DNAH11: variants seen among roughly 807,000 people sequenced by gnomAD.
DNAH11 encodes axonemal beta dynein heavy chain 11.
In DNAH11, 442 loss-of-function variants were observed where a neutral mutation model predicts 526.0. The observed-to-expected ratio is 0.84, with a 90% CI of 0.78 to 0.91. The LOEUF (loss-of-function observed/expected upper bound fraction) is 0.91. Among genes scored for constraint, DNAH11 ranks in the 40% least tolerant of loss-of-function variants. The pLI is 0.00. For synonymous variants in DNAH11, 2,461 were observed against 1,935.9 expected (o/e 1.27, Z -7.12); for missense variants, 6,989 against 5,448.7 (o/e 1.28, Z -8.90).
chr7:21,871,955 T>C (rs1783510153), intron 73 of DNAH11, among the ~76,000 whole-genome samples: 1 of 151,452 alleles, frequency 6.6e-6, no homozygotes, highest in Admixed American at 6.6e-5. Context: ...ACCCCGTCTC[T>C]ACTAAAAATA....
chr7:21,738,496 T>C (rs1374056940), intron 46 of DNAH11, among the ~76,000 whole-genome samples: 2 of 152,112 alleles, frequency 1.3e-5, no homozygotes, highest in Non-Finnish European at 2.9e-5. Context: ...GAATGACTTC[T>C]GGCAACAGGA....
intron 29 of DNAH11, among the ~76,000 whole-genome samples, chr7:21,656,733 A>G (rs927428227): frequency 1.3e-5 from 2 of 152,132 alleles, no homozygotes; most frequent in Admixed American, 6.6e-5. Context: ...TCCTGAAAGT[A>G]TTTGCAGAAA....
At chr7:21,780,025 C>G (rs975467686) in intron 57 of DNAH11, among the ~76,000 whole-genome samples, 1 of 149,740 alleles carries the variant, frequency 6.7e-6, no homozygotes, top group Non-Finnish European at 1.5e-5. Context: ...AGTTGATTTT[C>G]TTTTTTTTTT....
chr7:21,770,475 A>AT (rs1320338177), intron 55 of DNAH11, among the ~76,000 whole-genome samples: 38 of 152,120 alleles, frequency 2.5e-4, no homozygotes, highest in African/African-American at 8.7e-4. Context: ...CAGATTTTCA[A>AT]TTTTCAGATT....
rs542279983 is a variant in DNAH11 at position 21,742,019 on chromosome 7, A to G, written c.8007A>G (p.Gln2669=). 8.7e-6 allele frequency: 14 copies of G among 1,613,966 alleles called. No homozygotes were observed. The African/African-American group carries it at 1.7e-4, about 20-fold the overall frequency. Residue 2669 remains glutamine (Q), a synonymous_variant, in exon 49 of 82, where the codon CAA becomes CAG. Transcript: ENST00000409508. ...TCTTTAGCTTCCATTTCCAACAGCAAGCATTTGCTCCATCAATTCTCAGGA... is the reference window on the plus strand; with the variant it reads ...TCTTTAGCTTCCATTTCCAACAGCAGGCATTTGCTCCATCAATTCTCAGGA... ...GQIFSFHFQQ[Q]AFAPSILRSG...
chr7:21,676,033 C>A (rs945604654), intron 30 of DNAH11, among the ~76,000 whole-genome samples: 1 of 152,096 alleles, frequency 6.6e-6, no homozygotes, highest in African/African-American at 2.4e-5. Flanking sequence ...GGCCTTAAAA[C>A]AGCTGTGATA....
rs17145222 is a variant in DNAH11 at position 21,748,538 on chromosome 7, C to T, written c.8511-42C>T. On this transcript the variant is annotated intron_variant, in intron 51 of 81. Coordinates refer to ENST00000409508, the MANE Select transcript of DNAH11 (RefSeq NM_001277115.2). ...AAACAGAACAGACATAGTCCCGGGG[C>T]ATTTTCGATTTTGTGCCATAATGGG... 2.5e-3 allele frequency: 3,512 copies of T among 1,429,144 alleles called. 73 individuals are homozygous for T. In the African/African-American group the frequency reaches 0.044, roughly 18 times the overall value. The allele number at this position is 1,429,144 out of a possible 1,614,324, so 88.5% of individuals were successfully genotyped here.
chr7:21,798,883 T>C (rs963534874), intron 61 of DNAH11, among the ~76,000 whole-genome samples: 2 of 152,120 alleles, frequency 1.3e-5, no homozygotes, highest in African/African-American at 4.8e-5. Context: ...TTTAATAAAA[T>C]TATGCTAATA....
At chr7:21,857,030 G>C (rs2158130) in intron 68 of DNAH11, among the ~76,000 whole-genome samples, 108,204 of 152,048 alleles carry the variant, frequency 0.71, 38,892 homozygotes, top group African/African-American at 0.76. Flanking sequence ...AAGAAAAACT[G>C]TGTTTTTTCA....
chr7:21,813,060 C>G (rs1789605302), intron 63 of DNAH11, among the ~76,000 whole-genome samples: 1 of 152,122 alleles, frequency 6.6e-6, no homozygotes, highest in South Asian at 2.1e-4. Flanking sequence ...AGGGATGGGA[C>G]AGGGAGCAAA....
chr7:21,605,343 C>A (rs1011791280), intron 18 of DNAH11, among the ~76,000 whole-genome samples: 1 of 152,066 alleles, frequency 6.6e-6, no homozygotes, highest in East Asian at 1.9e-4. Flanking sequence ...AGGAGATGAC[C>A]GAGAGGAACA....
chr7:21,886,245 T>C (rs1164664354), intron 76 of DNAH11, among the ~76,000 whole-genome samples: 1 of 152,204 alleles, frequency 6.6e-6, no homozygotes, highest in African/African-American at 2.4e-5. Flanking sequence ...ATCAGTCTAA[T>C]ATTTAGTGTA....
rs1782649647 is a variant in DNAH11 at position 21,543,171 on chromosome 7, C to A, written c.-75C>A. ...GGAGGGTGGGCGCCTGCGGAGGTGT[C>A]CTCGCTCACTTCGGGGGGCCCAGAG... On this transcript the variant is annotated 5_prime_UTR_variant, in exon 1 of 82. Coordinates refer to ENST00000409508, the MANE Select transcript of DNAH11 (RefSeq NM_001277115.2). 1 of 1,445,786 alleles carries A rather than the reference C, an allele frequency of 6.9e-7. No homozygotes were observed. The highest frequency in any genetic ancestry group is 1.5e-5 in the South Asian group (1 of 68,630). The allele number at this position is 1,445,786 out of a possible 1,614,324, so 89.6% of individuals were successfully genotyped here.
At chr7:21,795,252 G>A (rs959876916) in intron 61 of DNAH11, among the ~76,000 whole-genome samples, 1 of 152,140 alleles carries the variant, frequency 6.6e-6, no homozygotes, top group South Asian at 2.1e-4. Flanking sequence ...GCTAGGTTTG[G>A]TGTGCGGATC....
intron 22 of DNAH11, among the ~76,000 whole-genome samples, chr7:21,617,210 G>T (rs186444349): frequency 4.6e-5 from 7 of 152,328 alleles, no homozygotes; most frequent in Non-Finnish European, 8.8e-5. Flanking sequence ...GGCACTCAAA[G>T]GTAATCAACA....
rs370773629 is a variant in DNAH11, at chr7:21,784,615, TGAGA to T, written c.9597+79_9597+82del. ...GTTATTAGAGTTTGAATAACTGAGC[TGAGA>T]GAGTAGCCCATTACAGCCAAAAAGT... is the stretch of plus-strand genomic sequence containing the variant. On this transcript the variant is annotated intron_variant, in intron 58 of 81. Transcript: ENST00000409508. The T allele has an allele frequency of 6.7e-5, 72 of 1,077,648 alleles. 1 individual carries two copies. In the African/African-American group the frequency reaches 9.1e-4, roughly 14 times the overall value. 66.8% of individuals were successfully genotyped at this position (1,077,648 alleles called of 1,614,324 possible).
In DNAH11 at chr7:21,717,779, G is replaced by T. The variant is rs766617896; in HGVS notation, c.6988G>T (p.Val2330Leu). 9.9e-6 allele frequency: 16 copies of T among 1,613,722 alleles called. No individual in the cohort carries two copies. Among genetic ancestry groups the T allele is most frequent in the Non-Finnish European group, 1.4e-5 (16 of 1,179,782 alleles). Residue 2330 changes from valine (V) to leucine (L), a missense_variant, in exon 43 of 82, where the codon GTG (valine) becomes TTG (leucine). Val to Leu is a conservative substitution (Grantham distance 32). Coordinates refer to ENST00000409508, the MANE Select transcript of DNAH11 (RefSeq NM_001277115.2). ...NPQDLGWNPY[V>L]ASWIDRRRHQ... ...CTTTTCTGTGTTCCTTTTCAGGTAT[G>T]TGGCCAGTTGGATAGACAGAAGGCG... is the stretch of plus-strand genomic sequence containing the variant.
At position 21,901,031 on chromosome 7, in the gene DNAH11, G is replaced by GAACC. The variant is rs1784792344; in HGVS notation, c.13330_13333dup (p.Ile4445AsnfsTer4). ...GGCGCCCGCTGGGACACCCAAGCAGGAACCATTGTTGAAGCCCGTCTCAAG... is the reference window on the plus strand; with the variant it reads ...GGCGCCCGCTGGGACACCCAAGCAGGAACCAACCATTGTTGAAGCCCGTCTCAAG... On this transcript the variant is annotated frameshift_variant, in exon 82 of 82. Transcript: ENST00000409508. LOFTEE classifies it high-confidence loss of function. 2 of 1,609,422 alleles carry GAACC rather than the reference G, an allele frequency of 1.2e-6. No homozygotes were observed. Among genetic ancestry groups the GAACC allele is most frequent in the Non-Finnish European group, 1.7e-6 (2 of 1,177,604 alleles).
At chr7:21,742,606 C>T (rs1785956598) in intron 49 of DNAH11, among the ~76,000 whole-genome samples, 1 of 152,154 alleles carries the variant, frequency 6.6e-6, no homozygotes, top group Admixed American at 6.5e-5. Context: ...AATCGCATTT[C>T]AACCTGAGAT....
Sources: allele counts gnomAD v4.1 joint callset (sites outside exome capture counted in the v4.1 genomes callset), GRCh38; gene constraint gnomAD v4.1.1; transcripts MANE v1.5; gene names NCBI Gene and HGNC (gene_info 2026-07-23, HGNC 2026-07-21).